SLC35F4: variants seen among roughly 807,000 people sequenced by gnomAD.
SLC35F4 encodes solute carrier family 35 member F4.
Under a neutral mutation model 44.2 loss-of-function variants are expected in SLC35F4, and 24 were observed. The observed-to-expected ratio is 0.54, with a 90% confidence interval of 0.39 to 0.76. The LOEUF (loss-of-function observed/expected upper bound fraction) is 0.76, where lower values mean the gene tolerates loss of function less well. Among genes scored for constraint, SLC35F4 ranks in the 30% least tolerant of loss-of-function variants. SLC35F4 has a pLI of 0.00. For missense variants in SLC35F4, 562 were observed against 586.1 expected (o/e 0.96, Z 0.42); for synonymous variants, 238 against 223.6 (o/e 1.06, Z -0.57).
intron 1 of SLC35F4, among the ~76,000 whole-genome samples, chr14:57,597,599 T>G (rs2070570585): frequency 6.6e-6 from 1 of 151,306 alleles, no homozygotes; most frequent in Non-Finnish European, 1.5e-5. Context: ...AGAAAGGGAG[T>G]GAGGGATTCA....
intron 1 of SLC35F4, among the ~76,000 whole-genome samples, chr14:57,696,773 A>G (rs1292803086): frequency 1.3e-5 from 2 of 152,220 alleles, no homozygotes; most frequent in African/African-American, 4.8e-5. Flanking sequence ...TTGCAGGGAC[A>G]TGGATGACGC....
At chr14:57,846,962 C>T (rs1023018917) in intron 1 of SLC35F4, among the ~76,000 whole-genome samples, 1 of 152,188 alleles carries the variant, frequency 6.6e-6, no homozygotes, top group Non-Finnish European at 1.5e-5. Context: ...ACTCAAAGTG[C>T]ACTCTGCAGA....
intron 1 of SLC35F4, among the ~76,000 whole-genome samples, chr14:57,896,240 G>C (rs1176540370): frequency 6.6e-6 from 1 of 152,050 alleles, no homozygotes; most frequent in African/African-American, 2.4e-5. Flanking sequence ...ATAAATAATT[G>C]TTATAAATTC....
intron 1 of SLC35F4, among the ~76,000 whole-genome samples, chr14:57,818,000 G>A (rs1238330761): frequency 6.6e-6 from 1 of 152,154 alleles, no homozygotes; most frequent in Non-Finnish European, 1.5e-5. Flanking sequence ...TGAGAAGCTA[G>A]GCAATGGCTG....
intron 1 of SLC35F4, among the ~76,000 whole-genome samples, chr14:57,707,475 C>T (rs550421069): frequency 1.3e-5 from 2 of 152,270 alleles, no homozygotes; most frequent in East Asian, 1.9e-4. Flanking sequence ...AAGAAAGTAC[C>T]TTACTTCCCC....
intron 1 of SLC35F4, among the ~76,000 whole-genome samples, chr14:57,698,529 A>T (rs1463834328): frequency 1.3e-5 from 2 of 152,150 alleles, no homozygotes; most frequent in Non-Finnish European, 2.9e-5. Context: ...CAAGATACAT[A>T]CTTCTTGAGG....
At chr14:57,805,652 G>A (rs764557034) in intron 1 of SLC35F4, among the ~76,000 whole-genome samples, 19 of 152,114 alleles carry the variant, frequency 1.2e-4, no homozygotes, top group Admixed American at 1.0e-3. Flanking sequence ...AGAGCATCAG[G>A]AAGAACAGCT....
chr14:57,641,539 A>G (rs980382847), intron 1 of SLC35F4, among the ~76,000 whole-genome samples: 4 of 151,992 alleles, frequency 2.6e-5, no homozygotes, highest in African/African-American at 9.7e-5. Context: ...GTCATGACCT[A>G]TTTTAAGAAA....
At chr14:57,830,168 T>G (rs1884210455) in intron 1 of SLC35F4, among the ~76,000 whole-genome samples, 1 of 152,194 alleles carries the variant, frequency 6.6e-6, no homozygotes, top group African/African-American at 2.4e-5. Flanking sequence ...AAGAAAGTGT[T>G]TATGTAGCAT....
chr14:57,956,304 A>C (rs142126277), intron 1 of SLC35F4, among the ~76,000 whole-genome samples: 8 of 152,390 alleles, frequency 5.2e-5, no homozygotes, highest in Non-Finnish European at 1.2e-4. Flanking sequence ...GATGGATTAA[A>C]GACTTAAACG....
chr14:57,856,492 T>C (rs1182440449), intron 1 of SLC35F4, among the ~76,000 whole-genome samples: 2 of 152,086 alleles, frequency 1.3e-5, no homozygotes, highest in African/African-American at 2.4e-5. Flanking sequence ...CTAGTGAAAG[T>C]AGTATTTTGC....
intron 4 of SLC35F4, among the ~76,000 whole-genome samples, chr14:57,572,531 T>TTA (rs201542992): frequency 0.058 from 8,794 of 151,948 alleles, 256 homozygotes; most frequent in African/African-American, 0.067. Context: ...TTCAGGCCAA[T>TTA]GGGAAAAAAG....
chr14:57,844,129 A>T (rs1885764406), intron 1 of SLC35F4, among the ~76,000 whole-genome samples: 1 of 152,234 alleles, frequency 6.6e-6, no homozygotes, highest in African/African-American at 2.4e-5. Context: ...AATACAAGAG[A>T]TTTAACACTT....
At chr14:57,782,461 C>T (rs115377764) in intron 1 of SLC35F4, among the ~76,000 whole-genome samples, 1,593 of 151,610 alleles carry the variant, frequency 0.011, 28 homozygotes, top group African/African-American at 0.037. Flanking sequence ...CACCATAAAA[C>T]GTACACAAAT....
chr14:57,823,048 G>C (rs931665518), intron 1 of SLC35F4, among the ~76,000 whole-genome samples: 1 of 152,094 alleles, frequency 6.6e-6, no homozygotes, highest in African/African-American at 2.4e-5. Context: ...TGGCCAGAGA[G>C]ATCTTAAAAC....
chr14:57,688,110 T>C (rs2181457), intron 1 of SLC35F4, among the ~76,000 whole-genome samples: 147,928 of 152,154 alleles, frequency 0.97, 72,047 homozygotes, highest in Non-Finnish European at 1. Context: ...AAGCCCATTC[T>C]TTGGTATTTC....
rs562366726 is a variant in SLC35F4, at chr14:57,656,314, A to G, written c.104-62190T>C. ...AAGCCCCCCCACACCCCCCACACAC[A>G]CTCACACATATATGCTTGAGGACAC... On this transcript the variant is annotated intron_variant, in intron 1 of 7. Transcript: ENST00000556826. Among the ~76,000 whole-genome samples, 288 of 141,830 alleles carry G rather than the reference A, an allele frequency of 2.0e-3. 2 individuals are homozygous for G. The highest frequency in any genetic ancestry group is 7.3e-3 in the African/African-American group (275 of 37,690). 93.0% of individuals were successfully genotyped at this position (141,830 alleles called of 152,430 possible).
At position 57,564,329 on chromosome 14, in the gene SLC35F4, C is replaced by A. The variant is rs1234975758; in HGVS notation, c.1264G>T (p.Ala422Ser). ...QEVIFNVVRL[A>S]ATIIICIGFL... ...CCAATGCAGATGATGATGGTAGCAG[C>A]CAGGCGGACAACATTGAATATCACC... Residue 422 changes from alanine to serine, a missense_variant, in exon 8 of 8, where the codon GCT (alanine) becomes TCT (serine). Transcript: ENST00000556826. 3 of 1,610,978 alleles carry A rather than the reference C, an allele frequency of 1.9e-6. No individual in the cohort carries two copies. The highest frequency in any genetic ancestry group is 1.7e-6 in the Non-Finnish European group (2 of 1,178,690).
At chr14:57,702,541 A>G (rs935387516) in intron 1 of SLC35F4, among the ~76,000 whole-genome samples, 4 of 152,158 alleles carry the variant, frequency 2.6e-5, no homozygotes, top group African/African-American at 9.7e-5. Context: ...ATCTCATTCT[A>G]CAAACTGGTA....
Sources: gnomAD v4.1 joint callset for allele counts (sites outside exome capture counted in the v4.1 genomes callset) on GRCh38, gnomAD v4.1.1 for gene constraint, MANE v1.5 for transcripts, NCBI Gene and HGNC (gene_info 2026-07-23, HGNC 2026-07-21) for gene names.